Variants in MGAT4C observed in about 807,000 individuals in gnomAD.
MGAT4C encodes MGAT4 family member C.
Under a neutral mutation model 40.1 loss-of-function variants are expected in MGAT4C, and 19 were observed. That is an observed-to-expected ratio of 0.47 (90% CI 0.33 to 0.70). The LOEUF (loss-of-function observed/expected upper bound fraction) is 0.70. MGAT4C is among the 30% of genes least tolerant of loss of function. The pLI is 0.02. For missense variants in MGAT4C, 491 were observed against 563.2 expected, an observed-to-expected ratio of 0.87 and a Z score of 1.30; for synonymous variants, 181 against 187.1, an observed-to-expected ratio of 0.97 and a Z score of 0.27.
intron 3 of MGAT4C, among the ~76,000 whole-genome samples, chr12:86,377,091 G>C (rs541221331): frequency 7.6e-6 from 1 of 132,306 alleles, no homozygotes; most frequent in Non-Finnish European, 1.6e-5. Flanking sequence ...ATGGAGTTTC[G>C]CTCTTGTTGC....
At chr12:86,476,415 A>C (rs376638850) in intron 2 of MGAT4C, among the ~76,000 whole-genome samples, 1 of 152,232 alleles carries the variant, frequency 6.6e-6, no homozygotes, top group African/African-American at 2.4e-5. Flanking sequence ...TACTATTAGA[A>C]AATAAAAAAT....
intron 2 of MGAT4C, among the ~76,000 whole-genome samples, chr12:86,443,221 C>CACAT (rs1565766604): frequency 6.6e-6 from 1 of 151,046 alleles, no homozygotes; most frequent in African/African-American, 2.4e-5. Context: ...CACACACACA[C>CACAT]ATATATACAC....
chr12:86,516,645 C>G (rs769126415), intron 2 of MGAT4C, among the ~76,000 whole-genome samples: 13 of 152,020 alleles, frequency 8.6e-5, no homozygotes, highest in African/African-American at 1.2e-4. Flanking sequence ...ATAAAATTTT[C>G]TGCCTTGAAA....
At chr12:86,233,238 T>C (rs1951401344) in intron 1 of MGAT4C, among the ~76,000 whole-genome samples, 1 of 152,190 alleles carries the variant, frequency 6.6e-6, no homozygotes, top group African/African-American at 2.4e-5. Flanking sequence ...ATAAGCAGCT[T>C]ATATGCAAGT....
intron 3 of MGAT4C, among the ~76,000 whole-genome samples, chr12:86,395,069 A>T (rs1956234419): frequency 6.6e-6 from 1 of 152,136 alleles, no homozygotes; most frequent in Non-Finnish European, 1.5e-5. Flanking sequence ...AAAGCATAAA[A>T]AAAATGGTCT....
At chr12:86,078,384 G>A (rs1315609391) in intron 1 of MGAT4C, among the ~76,000 whole-genome samples, 2 of 152,182 alleles carry the variant, frequency 1.3e-5, no homozygotes, top group Non-Finnish European at 2.9e-5. Context: ...TGATCAGAGG[G>A]AATGCTGTGT....
At chr12:86,562,135 T>C (rs1959895158) in intron 2 of MGAT4C, among the ~76,000 whole-genome samples, 1 of 152,102 alleles carries the variant, frequency 6.6e-6, no homozygotes, top group African/African-American at 2.4e-5. Flanking sequence ...TGAAAGAAAA[T>C]GAAATTCTCA....
At chr12:86,379,680 T>A (rs74828493) in intron 3 of MGAT4C, among the ~76,000 whole-genome samples, 2,630 of 152,202 alleles carry the variant, frequency 0.017, 30 homozygotes, top group Non-Finnish European at 0.026. Flanking sequence ...AAACAATACT[T>A]TTTTTAGAAA....
chr12:86,735,101 C>G lies in MGAT4C; in HGVS notation c.-261-7860G>C, dbSNP rs142709669. On this transcript the variant is annotated intron_variant, in intron 1 of 7. Transcript: ENST00000548651. ...TAGAGAATCCAATCTACTTAGGATG[C>G]TTTGCTATTCAGGGATTTTGTCCAG... is the stretch of plus-strand genomic sequence containing the variant. 3.3e-5 allele frequency among the ~76,000 whole-genome samples: 5 copies of G among 152,042 alleles called. No homozygotes were observed. In the East Asian group the frequency reaches 9.8e-4, roughly 30 times the overall value.
At chr12:86,775,952 G>A (rs538084506) in intron 1 of MGAT4C, among the ~76,000 whole-genome samples, 2 of 151,594 alleles carry the variant, frequency 1.3e-5, no homozygotes, top group South Asian at 4.2e-4. Flanking sequence ...AAAACAATTC[G>A]AGAATAATAC....
At chr12:86,245,035 C>T (rs1362092124) in intron 1 of MGAT4C, among the ~76,000 whole-genome samples, 1 of 152,184 alleles carries the variant, frequency 6.6e-6, no homozygotes, top group East Asian at 1.9e-4. Context: ...ATAGTCACAA[C>T]ACTGGTTAAG....
chr12:86,444,071 T>C (rs768751975), intron 2 of MGAT4C, among the ~76,000 whole-genome samples: 1 of 152,218 alleles, frequency 6.6e-6, no homozygotes, highest in African/African-American at 2.4e-5. Flanking sequence ...CTAGTAACCA[T>C]ATTTCTACAT....
intron 1 of MGAT4C, among the ~76,000 whole-genome samples, chr12:86,055,690 A>T (rs939851105): frequency 1.3e-5 from 2 of 152,080 alleles, no homozygotes; most frequent in Non-Finnish European, 2.9e-5. Flanking sequence ...CCACAAACAT[A>T]TAAGGGTTTT....
intron 3 of MGAT4C, among the ~76,000 whole-genome samples, chr12:86,345,343 T>A (rs1248041704): frequency 6.6e-6 from 1 of 152,148 alleles, no homozygotes; most frequent in East Asian, 1.9e-4. Flanking sequence ...GTTACATATG[T>A]ATACATGTGC....
chr12:86,273,576 C>A (rs138742880), intron 4 of MGAT4C, among the ~76,000 whole-genome samples: 4 of 152,144 alleles, frequency 2.6e-5, no homozygotes, highest in African/African-American at 9.6e-5. Context: ...ATTGGACTGT[C>A]CAACTATGAA....
At chr12:86,682,497 T>C (rs1320785861) in intron 2 of MGAT4C, among the ~76,000 whole-genome samples, 1 of 152,094 alleles carries the variant, frequency 6.6e-6, no homozygotes, top group Non-Finnish European at 1.5e-5. Context: ...TCCTTTGCAT[T>C]GGTAGGTGGT....
chr12:86,017,352 C>T (rs1360727320), intron 2 of MGAT4C, among the ~76,000 whole-genome samples: 11 of 152,030 alleles, frequency 7.2e-5, no homozygotes. Context: ...TGACCCAGAT[C>T]TGTAATGTTA....
chr12:86,082,419 A>G (rs1410834618), intron 1 of MGAT4C, among the ~76,000 whole-genome samples: 1 of 152,166 alleles, frequency 6.6e-6, no homozygotes, highest in Admixed American at 6.6e-5. Flanking sequence ...ATACTGAAAA[A>G]GGAATTGGTA....
intron 1 of MGAT4C, among the ~76,000 whole-genome samples, chr12:86,202,620 C>T (rs545682531): frequency 6.6e-6 from 1 of 152,138 alleles, no homozygotes; most frequent in Non-Finnish European, 1.5e-5. Context: ...TCTCCTAGAA[C>T]CACACTCATT....
Sources: gnomAD v4.1 joint callset for allele counts (sites outside exome capture counted in the v4.1 genomes callset) on GRCh38, gnomAD v4.1.1 for gene constraint, MANE v1.5 for transcripts, NCBI Gene and HGNC (gene_info 2026-07-23, HGNC 2026-07-21) for gene names.